The following PCDHGA7 variants were observed in gnomAD, a reference collection of about 807,000 sequenced individuals.
The protein encoded by PCDHGA7 is protocadherin gamma subfamily A, 7, also known as protocadherin gamma-A7.
PCDHGA7 carries 44 observed loss-of-function variants against 58.3 expected under a neutral mutation model. That is an observed-to-expected ratio of 0.75 (90% confidence interval 0.59 to 0.97). The LOEUF (loss-of-function observed/expected upper bound fraction) is 0.97. PCDHGA7 is among the 50% of genes least tolerant of loss of function. The pLI is 0.00. For missense variants in PCDHGA7, 1,266 were observed against 1,188.7 expected (o/e 1.06, Z -0.96); for synonymous variants, 516 against 504.2 (o/e 1.02, Z -0.31).
Position 141,476,658 on chromosome 5 carries a change from C to A in PCDHGA7, c.2425-18149C>A, listed in dbSNP as rs182518072. On this transcript the variant is annotated intron_variant, in intron 1 of 3. Transcript: ENST00000518325. The surrounding 1 kb of genome is among the most constrained non-coding windows in gnomAD (Gnocchi z 7.6). ...GAGCTGAGCCGAAATGAATACTTTGCGCTTCGCGTGCAGACGCGGGAGGAC... is the reference window on the plus strand; with the variant it reads ...GAGCTGAGCCGAAATGAATACTTTGAGCTTCGCGTGCAGACGCGGGAGGAC... 2 of 1,614,244 alleles carry A rather than the reference C, an allele frequency of 1.2e-6. No homozygotes were observed. The highest frequency in any genetic ancestry group is 2.2e-5 in the East Asian group (1 of 44,878).
At chr5:141,479,620 G>A (rs2099501211) in intron 1 of PCDHGA7, 2 of 152,192 alleles carry the variant, frequency 1.3e-5, no homozygotes, top group African/African-American at 4.8e-5. Context: ...GGGAAACCAT[G>A]TCTCTTTAAC....
chr5:141,446,821 T>G (rs183143971), intron 1 of PCDHGA7, among the ~76,000 whole-genome samples: 2 of 152,184 alleles, frequency 1.3e-5, no homozygotes, highest in South Asian at 4.1e-4. Context: ...GTCAGATGGG[T>G]AGATCCTTAT....
chr5:141,414,280 G>C, intron 1 of PCDHGA7: 5 of 1,613,604 alleles, frequency 3.1e-6, no homozygotes, highest in Non-Finnish European at 4.2e-6. Context: ...TCTGGGAACA[G>C]TCGTAGCCCT....
At chr5:141,405,505 C>T (rs573282216) in intron 1 of PCDHGA7, 22 of 751,126 alleles carry the variant, frequency 2.9e-5, no homozygotes, top group Admixed American at 1.7e-4. Flanking sequence ...TTGCAACCTC[C>T]GCCTCCCAAA....
At chr5:141,405,218 G>C in intron 1 of PCDHGA7, 3 of 1,613,986 alleles carry the variant, frequency 1.9e-6, no homozygotes, top group Non-Finnish European at 2.5e-6. Context: ...CTATTCTCAG[G>C]AGTTCTCCCT....
intron 1 of PCDHGA7, chr5:141,471,227 T>C (rs2099253010): frequency 6.6e-6 from 1 of 151,604 alleles, no homozygotes; most frequent in Admixed American, 6.6e-5. Flanking sequence ...TTTTTTGTAT[T>C]TTTAGTAGAG....
chr5:141,387,866 G>A, intron 1 of PCDHGA7: 2 of 1,590,640 alleles, frequency 1.3e-6, no homozygotes, highest in South Asian at 1.1e-5. Context: ...TGGTGAGCAA[G>A]CTGAGGAGAG....
chr5:141,476,727 G>A lies in PCDHGA7; in HGVS notation c.2425-18080G>A, dbSNP rs762236731. On this transcript the variant is annotated intron_variant, in intron 1 of 3. Coordinates refer to ENST00000518325, the MANE Select transcript of PCDHGA7 (RefSeq NM_018920.4). This position sits in a 1 kb window ranked among gnomAD's most constrained non-coding sequence, Gnocchi z 7.6. ...CTGGTGTTGGAGCGCGCCCTGGACC[G>A]AGAACGGGAGCCTAGTCTCCAGTTA... 5 of 1,614,108 alleles carry A rather than the reference G, an allele frequency of 3.1e-6. No individual in the cohort carries two copies. Among genetic ancestry groups the A allele is most frequent in the Non-Finnish European group, 4.2e-6 (5 of 1,180,032 alleles).
chr5:141,477,378 C>A lies in PCDHGA7; in HGVS notation c.2425-17429C>A. On this transcript the variant is annotated intron_variant, in intron 1 of 3. Coordinates refer to ENST00000518325, the MANE Select transcript of PCDHGA7 (RefSeq NM_018920.4). This position sits in a 1 kb window ranked among gnomAD's most constrained non-coding sequence, Gnocchi z 4.9. ...GCAGACCTGGATCGGGAGACTGTGC[C>A]AGAATACAACCTCAGCATCACCGCC... 2 of 1,614,136 alleles carry A rather than the reference C, an allele frequency of 1.2e-6. No homozygotes were observed. Among genetic ancestry groups the A allele is most frequent in the Non-Finnish European group, 1.7e-6 (2 of 1,180,034 alleles).
chr5:141,480,381 C>T (rs1018981416), intron 1 of PCDHGA7, among the ~76,000 whole-genome samples: 2 of 151,926 alleles, frequency 1.3e-5, no homozygotes, highest in Non-Finnish European at 2.9e-5. Context: ...CACCACTACA[C>T]TTCAACCATG....
rs2097383403 is a variant in PCDHGA7 at position 141,431,483 on chromosome 5, T to C, written c.2424+46160T>C. On this transcript the variant is annotated intron_variant, in intron 1 of 3. Coordinates refer to ENST00000518325, the MANE Select transcript of PCDHGA7 (RefSeq NM_018920.4). This position sits in a 1 kb window ranked among gnomAD's most constrained non-coding sequence, Gnocchi z 4.8. ...GGATGCGAACGACAACGCACCAGCG[T>C]TTGCTCAGCCCGAGTACCGCGCGAG... 2 of 1,613,758 alleles carry C rather than the reference T, an allele frequency of 1.2e-6. No homozygotes were observed. The highest frequency in any genetic ancestry group is 2.7e-5 in the African/African-American group (2 of 74,938).
At chr5:141,474,652 T>C (rs962582027) in intron 1 of PCDHGA7, among the ~76,000 whole-genome samples, 1 of 152,206 alleles carries the variant, frequency 6.6e-6, no homozygotes, top group African/African-American at 2.4e-5. Context: ...TCCTTACTTC[T>C]TTTCTACCTA....
intron 1 of PCDHGA7, among the ~76,000 whole-genome samples, chr5:141,468,830 C>T (rs561511870): frequency 2.0e-5 from 3 of 152,170 alleles, no homozygotes; most frequent in East Asian, 1.9e-4. Flanking sequence ...CAAGCCACTG[C>T]ACTCCAGCCT....
In PCDHGA7 at chr5:141,432,361, G is replaced by A; in HGVS notation, c.2424+47038G>A. 1 of 1,614,230 alleles carries A rather than the reference G, an allele frequency of 6.2e-7. No individual in the cohort carries two copies. Among genetic ancestry groups the A allele is most frequent in the Non-Finnish European group, 8.5e-7 (1 of 1,180,050 alleles). On this transcript the variant is annotated intron_variant, in intron 1 of 3. Coordinates refer to ENST00000518325, the MANE Select transcript of PCDHGA7 (RefSeq NM_018920.4). The surrounding 1 kb of genome is among the most constrained non-coding windows in gnomAD (Gnocchi z 6.0). Reference sequence around the variant, plus strand: ...GAGACTTGCAAGTGAAAGTGATGGCGCGGGACAACGGGCACCCGCCCCTCA... The same window carrying A: ...GAGACTTGCAAGTGAAAGTGATGGCACGGGACAACGGGCACCCGCCCCTCA...
chr5:141,427,711 A>G, intron 1 of PCDHGA7: 1 of 1,036,496 alleles, frequency 9.6e-7, no homozygotes. Context: ...AGCGCCTCTG[A>G]CCTGGACCTA....
Position 141,475,971 on chromosome 5 carries a change from C to G in PCDHGA7, c.2425-18836C>G, listed in dbSNP as rs750016455. On this transcript the variant is annotated intron_variant, in intron 1 of 3. Coordinates refer to ENST00000518325, the MANE Select transcript of PCDHGA7 (RefSeq NM_018920.4). The stretch of plus-strand genomic sequence containing the variant: ...TCTGCGCCCCGGGATGAGGCAGAGA[C>G]TGAACAGCCGGCGAGCAAATCAACG... 2.5e-5 allele frequency: 24 copies of G among 954,292 alleles called. No individual in the cohort carries two copies. In the African/African-American group the frequency reaches 3.4e-4, roughly 14 times the overall value. 59.1% of individuals were successfully genotyped at this position (954,292 alleles called of 1,614,324 possible). A position where few individuals can be genotyped will look rare whatever the true frequency, so the allele number is the denominator to read the frequency against.
At position 141,432,117 on chromosome 5, in the gene PCDHGA7, C is replaced by G. The variant is rs761106133; in HGVS notation, c.2424+46794C>G. The G allele has an allele frequency of 6.2e-7, 1 of 1,614,062 alleles. No homozygotes were observed. The highest frequency in any genetic ancestry group is 8.5e-7 in the Non-Finnish European group (1 of 1,180,048). ...ACCAACGACAACCCGCCGGTCTTCC[C>G]TCAGGCCTCCTATTCCGCTTATATC... is the stretch of plus-strand genomic sequence containing the variant. On this transcript the variant is annotated intron_variant, in intron 1 of 3. Transcript: ENST00000518325. The surrounding 1 kb of genome is among the most constrained non-coding windows in gnomAD (Gnocchi z 6.0).
chr5:141,489,625 A>G lies in PCDHGA7; in HGVS notation c.2425-5182A>G. ...GGTAGAGATCCTGGATCTCAATGAC[A>G]ACTCTCCTAGCTTTGCCACCCCTGA... On this transcript the variant is annotated intron_variant, in intron 1 of 3. Transcript: ENST00000518325. The surrounding 1 kb of genome is among the most constrained non-coding windows in gnomAD (Gnocchi z 4.5). 6.2e-7 allele frequency: 1 copy of G among 1,614,076 alleles called. No homozygotes were observed. The highest frequency in any genetic ancestry group is 8.5e-7 in the Non-Finnish European group (1 of 1,180,006).
intron 1 of PCDHGA7, among the ~76,000 whole-genome samples, chr5:141,482,530 CAAAA>C (rs3074545): frequency 9.1e-5 from 7 of 76,540 alleles, no homozygotes; most frequent in South Asian, 4.6e-4. Flanking sequence ...GACAGACATG[CAAAA>C]AAAAAAAAAA....
Sources: allele counts gnomAD v4.1 joint callset (sites outside exome capture counted in the v4.1 genomes callset), GRCh38; gene constraint gnomAD v4.1.1; non-coding constraint Gnocchi (gnomAD v3.1); transcripts MANE v1.5; gene names NCBI Gene and HGNC (gene_info 2026-07-23, HGNC 2026-07-21).